GEMIN2: variants seen among roughly 807,000 people sequenced by gnomAD.
GEMIN2 encodes gem nuclear organelle associated protein 2.
In GEMIN2, 37 loss-of-function variants were observed where a neutral mutation model predicts 45.8. The ratio of observed to expected loss-of-function variants is 0.81; its 90% CI spans 0.62 to 1.06. The LOEUF (loss-of-function observed/expected upper bound fraction) is 1.06, where lower values mean the gene tolerates loss of function less well. Ranked by LOEUF, GEMIN2 falls within the 50% of genes least tolerant of loss-of-function variation. The pLI, the probability that GEMIN2 is intolerant of heterozygous loss-of-function variation, is 0.00. For missense variants in GEMIN2, 335 were observed against 321.8 expected, an observed-to-expected ratio of 1.04 and a Z score of -0.31; for synonymous variants, 101 against 111.5, an observed-to-expected ratio of 0.91 and a Z score of 0.60.
At chr14:39,135,101 T>C (rs1202689700) in intron 9 of GEMIN2, among the ~76,000 whole-genome samples, 1 of 151,972 alleles carries the variant, frequency 6.6e-6, no homozygotes, top group Non-Finnish European at 1.5e-5. Context: ...CAGTAATTAA[T>C]GAAACCTCAG....
At chr14:39,134,333 C>G (rs953561740) in intron 9 of GEMIN2, 3 of 152,336 alleles carry the variant, frequency 2.0e-5, no homozygotes, top group African/African-American at 4.8e-5. Context: ...ATTCTCCCCC[C>G]TCAGCCTCCC....
intron 4 of GEMIN2, among the ~76,000 whole-genome samples, chr14:39,120,777 G>T (rs570245485): frequency 6.6e-6 from 1 of 152,200 alleles, no homozygotes; most frequent in Admixed American, 6.5e-5. Flanking sequence ...ACAGGTGCCT[G>T]CCACCACACC....
chr14:39,122,696 T>C (rs2052588643), intron 5 of GEMIN2, 153 bp downstream of exon 5: 2 of 466,824 alleles, frequency 4.3e-6, no homozygotes, highest in African/African-American at 2.0e-5. Context: ...TTTGAAAGAG[T>C]AAAAAAGAAA....
rs557068830 is a variant in GEMIN2, at chr14:39,121,017, T to C, written c.373-1413T>C. Among the ~76,000 whole-genome samples the C allele has an allele frequency of 2.0e-5, 3 of 152,374 alleles. No individual in the cohort carries two copies. The South Asian group carries it at 6.2e-4, about 32-fold the overall frequency. On this transcript the variant is annotated intron_variant, in intron 4 of 9. Coordinates refer to ENST00000308317, the MANE Select transcript of GEMIN2 (RefSeq NM_003616.3). ...GCTTCTCCCAAATAGTCCTGCGTCC[T>C]GCTTTTTCTGTCTGGCAGCATGAGT...
chr14:39,130,135 T>C (rs571456217), intron 7 of GEMIN2, among the ~76,000 whole-genome samples: 1 of 151,922 alleles, frequency 6.6e-6, no homozygotes, highest in East Asian at 1.9e-4. Context: ...TAGCTTTACA[T>C]AGTAAATGTA....
At chr14:39,127,646 A>G (rs2052661451) in intron 6 of GEMIN2, among the ~76,000 whole-genome samples, 1 of 152,144 alleles carries the variant, frequency 6.6e-6, no homozygotes, top group South Asian at 2.1e-4. Flanking sequence ...GGCCACAAAT[A>G]CATTTTCTTT....
At chr14:39,135,884 T>C (rs2052775486) in intron 9 of GEMIN2, among the ~76,000 whole-genome samples, 1 of 152,196 alleles carries the variant, frequency 6.6e-6, no homozygotes, top group Non-Finnish European at 1.5e-5. Context: ...AACCATTGTA[T>C]TACTAATTTT....
At chr14:39,115,456 C>CAAAATTT in intron 2 of GEMIN2, among the ~76,000 whole-genome samples, 1 of 123,840 alleles carries the variant, frequency 8.1e-6, no homozygotes, top group Non-Finnish European at 1.6e-5. Context: ...ATGTCTTACA[C>CAAAATTT]TTTTTTTTTT....
chr14:39,133,301 CAT>C (rs2052743961), intron 8 of GEMIN2, among the ~76,000 whole-genome samples: 2 of 19,710 alleles, frequency 1.0e-4, no homozygotes, highest in Non-Finnish European at 2.4e-4. Context: ...AGTTAAGACA[CAT>C]ATATAATATA....
At chr14:39,133,740 CTTTATTA>C (rs1407520591) in intron 9 of GEMIN2, 21 bp downstream of exon 9, 4 of 1,353,776 alleles carry the variant, frequency 3.0e-6, no homozygotes, top group Non-Finnish European at 4.1e-6. Flanking sequence ...TCCTTGGCTT[CTTTATTA>C]TTTATCAGTG....
chr14:39,123,563 C>G (rs2052600522), intron 5 of GEMIN2, among the ~76,000 whole-genome samples: 2 of 151,424 alleles, frequency 1.3e-5, no homozygotes, highest in African/African-American at 4.8e-5. Context: ...AACAAGCACT[C>G]TTAGACGTGG....
intron 4 of GEMIN2, among the ~76,000 whole-genome samples, 162 bp downstream of exon 4, chr14:39,118,761 G>A (rs2052541919): frequency 6.6e-6 from 1 of 150,876 alleles, no homozygotes; most frequent in African/African-American, 2.4e-5. Context: ...AGCCTGGAAA[G>A]TATAGATTTT....
At chr14:39,124,908 G>A (rs915946173) in intron 5 of GEMIN2, 84 bp from the exon 6 acceptor site, 10 of 706,770 alleles carry the variant, frequency 1.4e-5, no homozygotes, top group Non-Finnish European at 2.3e-5. Context: ...AAACAACAGT[G>A]TGGCAAGAAA....
chr14:39,125,079 T>C, intron 6 of GEMIN2, 43 bp downstream of exon 6: 1 of 938,970 alleles, frequency 1.1e-6, no homozygotes, highest in South Asian at 1.3e-5. Flanking sequence ...TTGTTTGCAT[T>C]GTGTGTGAAA....
At chr14:39,115,478 G>C (rs1375791034) in intron 2 of GEMIN2, among the ~76,000 whole-genome samples, 26 of 67,970 alleles carry the variant, frequency 3.8e-4, no homozygotes, top group African/African-American at 1.1e-3. Flanking sequence ...TTTTTTTTGA[G>C]ACAGTTTCAC....
At chr14:39,135,370 T>G (rs59099504) in intron 9 of GEMIN2, among the ~76,000 whole-genome samples, 4,566 of 151,726 alleles carry the variant, frequency 0.03, 234 homozygotes, top group African/African-American at 0.1. Flanking sequence ...TGGATCACCT[T>G]AAGTCAGGAG....
chr14:39,114,440 C>T lies in GEMIN2; in HGVS notation c.102C>T (p.Pro34=), dbSNP rs367627178. 3.6e-5 allele frequency: 58 copies of T among 1,613,598 alleles called. No homozygotes were observed. The highest frequency in any genetic ancestry group is 8.3e-5 in the Admixed American group (5 of 59,990). The change falls in exon 1 of 10, where the codon CCC becomes CCT. Residue 34 remains proline, a synonymous_variant. Transcript: ENST00000308317. Reference sequence around the variant, plus strand: ...CGGAAGGTTTCGATCCCTCGGTACCCCCGAGGACGCCTCAGGAATACCTGA... The same window carrying T: ...CGGAAGGTTTCGATCCCTCGGTACCTCCGAGGACGCCTCAGGAATACCTGA... ...DLTEGFDPSV[P]PRTPQEYLRR...
At position 39,128,353 on chromosome 14, in the gene GEMIN2, T is replaced by A. The variant is rs2052672762; in HGVS notation, c.600+5T>A. The stretch of plus-strand genomic sequence containing the variant: ...AGAGACTTTACTCCAGAATTGGTAG[T>A]ATTGCATGTTTTTCTTTTCATAATG... On this transcript the variant is annotated splice_donor_5th_base_variant and intron_variant, in intron 7 of 9. Transcript: ENST00000308317. 1 of 1,515,542 alleles carries A rather than the reference T, an allele frequency of 6.6e-7. No homozygotes were observed. The highest frequency in any genetic ancestry group is 1.4e-5 in the African/African-American group (1 of 72,498). The allele number at this position is 1,515,542 out of a possible 1,614,324, so 93.9% of individuals were successfully genotyped here. A position where few individuals can be genotyped will look rare whatever the true frequency, so the allele number is the denominator to read the frequency against.
rs150986614 is a variant in GEMIN2 at position 39,118,016 on chromosome 14, C to A, written c.240C>A (p.Pro80=). The part of the protein sequence containing the change: ...SVNISLSGCQ[P]APEGYSPTLQ... The stretch of plus-strand genomic sequence containing the variant: ...ATCTCTAGCTTTCAGGATGCCAACC[C>A]GCCCCTGAAGGTTATTCCCCAACAC... The change falls in exon 3 of 10, where the codon CCC becomes CCA. Residue 80 remains proline (P), a synonymous_variant. Transcript: ENST00000308317. The A allele has an allele frequency of 3.5e-3, 5,629 of 1,600,548 alleles. 13 individuals are homozygous for A. The highest frequency in any genetic ancestry group is 5.4e-3 in the Admixed American group (315 of 58,836).
Sources: allele counts gnomAD v4.1 joint callset (sites outside exome capture counted in the v4.1 genomes callset), GRCh38; gene constraint gnomAD v4.1.1; transcripts MANE v1.5; gene names NCBI Gene and HGNC (gene_info 2026-07-23, HGNC 2026-07-21).